Variants in CAMSAP3 observed in about 807,000 individuals in gnomAD.
CAMSAP3 encodes calmodulin regulated spectrin associated protein family member 3.
In CAMSAP3, 34 loss-of-function variants were observed where a neutral mutation model predicts 112.5. The observed-to-expected ratio is 0.30, with a 90% CI of 0.23 to 0.40. The LOEUF (loss-of-function observed/expected upper bound fraction) is 0.40. Among genes scored for constraint, CAMSAP3 ranks in the 10% least tolerant of loss-of-function variants. CAMSAP3 has a pLI of 1.00. For missense variants in CAMSAP3, 1,602 were observed against 1,770.3 expected, an observed-to-expected ratio of 0.90 and a Z score of 1.71; for synonymous variants, 868 against 799.8, an observed-to-expected ratio of 1.09 and a Z score of -1.44.
intron 14 of CAMSAP3, among the ~76,000 whole-genome samples, chr19:7,616,871 C>T (rs2030818686): frequency 6.6e-6 from 1 of 150,502 alleles, no homozygotes; most frequent in Non-Finnish European, 1.5e-5. Context: ...CAGCACGGGG[C>T]ACTGCATGGA....
intron 5 of CAMSAP3, among the ~76,000 whole-genome samples, chr19:7,609,174 C>T (rs893150902): frequency 4.6e-5 from 7 of 151,566 alleles, no homozygotes; most frequent in Admixed American, 6.6e-5. Flanking sequence ...AGAAATTAGC[C>T]GGGTGCGGTG....
At position 7,595,910 on chromosome 19, in the gene CAMSAP3, A is replaced by C; in HGVS notation, c.-93A>C. 3.7e-6 allele frequency: 2 copies of C among 547,286 alleles called. No individual in the cohort carries two copies. The highest frequency in any genetic ancestry group is 4.6e-6 in the Non-Finnish European group (2 of 432,448). The allele number at this position is 547,286 out of a possible 1,614,324, so 33.9% of individuals were successfully genotyped here. On this transcript the variant is annotated 5_prime_UTR_variant, in exon 1 of 17. Coordinates refer to ENST00000160298, the MANE Select transcript of CAMSAP3 (RefSeq NM_020902.2). ...CGGCGGCGGCGGCGGCAGCGGCGGT[A>C]GCAGCAGCGGGCCCGGCTGGGGCGC...
Position 7,610,462 on chromosome 19 carries a change from T to C in CAMSAP3, c.761-14T>C. The C allele has an allele frequency of 1.2e-6, 2 of 1,603,202 alleles. No individual in the cohort carries two copies. Among genetic ancestry groups the C allele is most frequent in the Non-Finnish European group, 1.7e-6 (2 of 1,174,952 alleles). The stretch of plus-strand genomic sequence containing the variant: ...CCTCATAGAGTTGGGGACCCACTCC[T>C]CCTGTCCCCACAGAGGTGTGCTTGA... On this transcript the variant is annotated splice_polypyrimidine_tract_variant and intron_variant, in intron 5 of 16. Coordinates refer to ENST00000160298, the MANE Select transcript of CAMSAP3 (RefSeq NM_020902.2). This position sits in a 1 kb window ranked among gnomAD's most constrained non-coding sequence, Gnocchi z 4.9.
chr19:7,596,007 T>C lies in CAMSAP3; in HGVS notation c.5T>C (p.Val2Ala). The C allele has an allele frequency of 9.0e-7, 1 of 1,107,282 alleles. No individual in the cohort carries two copies. The highest frequency in any genetic ancestry group is 1.1e-6 in the Non-Finnish European group (1 of 893,750). 68.6% of individuals were successfully genotyped at this position (1,107,282 alleles called of 1,614,324 possible). ...GCCCGCAGCCCCGGCGCCGCCATGGTGGAGGCGGCGCCCCCCGGGCCCGGG... is the reference window on the plus strand; with the variant it reads ...GCCCGCAGCCCCGGCGCCGCCATGGCGGAGGCGGCGCCCCCCGGGCCCGGG... M[V>A]EAAPPGPGPL... The change falls in exon 1 of 17, where the codon GTG becomes GCG. Residue 2 changes from valine (V) to alanine (A), a missense_variant. By Grantham distance (64) the Val-to-Ala change is moderately conservative. Around this residue, in one of 6 missense-constraint regions of CAMSAP3, gnomAD observed 147 missense variants for 144.6 expected, o/e 1.02. Transcript: ENST00000160298.
rs1330447274 is a variant in CAMSAP3, at chr19:7,611,034, C to T, written c.1050-61C>T. The T allele has an allele frequency of 4.4e-6, 7 of 1,603,166 alleles. No individual in the cohort carries two copies. The African/African-American group carries it at 8.0e-5, about 18-fold the overall frequency. On this transcript the variant is annotated intron_variant, in intron 8 of 16. Coordinates refer to ENST00000160298, the MANE Select transcript of CAMSAP3 (RefSeq NM_020902.2). The surrounding 1 kb of genome is among the most constrained non-coding windows in gnomAD (Gnocchi z 6.9). ...CAGCTGGGTGATGCTGTTGTCTCCCCCCGGGGAGAGGCGGAGGAGGAGGTG... is the reference window on the plus strand; with the variant it reads ...CAGCTGGGTGATGCTGTTGTCTCCCTCCGGGGAGAGGCGGAGGAGGAGGTG...
chr19:7,616,488 T>G, intron 13 of CAMSAP3, 35 bp from the exon 14 acceptor site: 1 of 1,464,518 alleles, frequency 6.8e-7, no homozygotes, highest in Non-Finnish European at 9.6e-7. Context: ...GGCAGGGGCT[T>G]CTGGTGGGCA....
At chr19:7,606,154 C>CCCCCCCCCCCCCCCCCCA in intron 2 of CAMSAP3, 117 bp from the exon 3 acceptor site, 1 of 488,850 alleles carries the variant, frequency 2.0e-6, no homozygotes, top group Non-Finnish European at 3.5e-6. Flanking sequence ...CCCTCAAGCC[C>CCCCCCCCCCCCCCCCCCA]CACCCCCCCC....
At position 7,611,177 on chromosome 19, in the gene CAMSAP3, G is replaced by T; in HGVS notation, c.1123+9G>T. 6.2e-7 allele frequency: 1 copy of T among 1,613,162 alleles called. No homozygotes were observed. The highest frequency in any genetic ancestry group is 1.3e-5 in the African/African-American group (1 of 75,018). On this transcript the variant is annotated intron_variant, in intron 9 of 16. Transcript: ENST00000160298. The surrounding 1 kb of genome is among the most constrained non-coding windows in gnomAD (Gnocchi z 6.9). ...ACTCCGAGGATCCACAGGTGAGGAGGGGGTAGGTGGCTTCTGTCACGGGGG... is the reference window on the plus strand; with the variant it reads ...ACTCCGAGGATCCACAGGTGAGGAGTGGGTAGGTGGCTTCTGTCACGGGGG...
In CAMSAP3 at chr19:7,618,187, CTGACTT is replaced by C; in HGVS notation, c.*134_*139del. On this transcript the variant is annotated 3_prime_UTR_variant, in exon 17 of 17. Transcript: ENST00000160298. The stretch of plus-strand genomic sequence containing the variant: ...TGGGTGGGGCTGGAGTCTCCACCCT[CTGACTT>C]TGAGTCCAGTCCTGCTGTGGGGGCT... The C allele has an allele frequency of 9.5e-7, 1 of 1,053,000 alleles. No homozygotes were observed. The allele number at this position is 1,053,000 out of a possible 1,614,324, so 65.2% of individuals were successfully genotyped here. A position where few individuals can be genotyped will look rare whatever the true frequency, so the allele number is the denominator to read the frequency against.
chr19:7,610,793 G>A lies in CAMSAP3; in HGVS notation c.994G>A (p.Ala332Thr), dbSNP rs763206515. The change falls in exon 7 of 17, where the codon GCT becomes ACT. Residue 332 changes from alanine to threonine, a missense_variant and splice_region_variant. By Grantham distance (58) the Ala-to-Thr change is moderately conservative (BLOSUM62 0). Transcript: ENST00000160298. The surrounding 1 kb of genome is among the most constrained non-coding windows in gnomAD (Gnocchi z 4.9). ...VQVKDLPDGH[A>T]ASPRGTEASP... ...AGTGAAGGACTTGCCCGATGGTCAC[G>A]GTGAGGCCCTGGGGGCCTGGGGGCC... 2 of 1,613,456 alleles carry A rather than the reference G, an allele frequency of 1.2e-6. No individual in the cohort carries two copies. Among genetic ancestry groups the A allele is most frequent in the Non-Finnish European group, 1.7e-6 (2 of 1,179,964 alleles).
chr19:7,606,804 G>A, intron 4 of CAMSAP3: 1 of 1,613,742 alleles, frequency 6.2e-7, no homozygotes, highest in South Asian at 1.1e-5. Context: ...CTGGAAGCTG[G>A]TTCCTGTAAG....
rs1430183865 is a variant in CAMSAP3, at chr19:7,617,951, C to T, written c.3644C>T (p.Pro1215Leu). ...NSDRKRFTQI[P>L]AKTMSMSVDA... is the part of the protein sequence containing the mutation. ...GACCGCAAGCGCTTCACCCAGATCCCCGCCAAGACCATGTCCATGAGCGTC... is the reference window on the plus strand; with the variant it reads ...GACCGCAAGCGCTTCACCCAGATCCTCGCCAAGACCATGTCCATGAGCGTC... The change falls in exon 17 of 17, where the codon CCC becomes CTC. Residue 1215 changes from proline (P) to leucine (L), a missense_variant. Physicochemically the swap from Pro to Leu is moderately conservative, Grantham distance 98 (BLOSUM62 -3). This residue lies in a region of CAMSAP3 where 150 missense variants were observed against 207.6 expected (regional missense o/e 0.72). Coordinates refer to ENST00000160298, the MANE Select transcript of CAMSAP3 (RefSeq NM_020902.2). The surrounding 1 kb of genome is among the most constrained non-coding windows in gnomAD (Gnocchi z 7.5). 1.2e-6 allele frequency: 2 copies of T among 1,614,072 alleles called. No homozygotes were observed. Among genetic ancestry groups the T allele is most frequent in the Non-Finnish European group, 8.5e-7 (1 of 1,180,056 alleles).
At chr19:7,602,111 GTTCTCAACTGGTGA>G (rs1294234761) in intron 1 of CAMSAP3, among the ~76,000 whole-genome samples, 2 of 152,146 alleles carry the variant, frequency 1.3e-5, no homozygotes, top group Non-Finnish European at 2.9e-5. Flanking sequence ...TAAGGCAGTG[GTTCTCAACTGGTGA>G]TGATTTTGAC....
chr19:7,613,551 CCAGTGGGGG>C (rs2146173220), intron 11 of CAMSAP3, among the ~76,000 whole-genome samples: 1 of 151,230 alleles, frequency 6.6e-6, no homozygotes, highest in East Asian at 2.0e-4. Context: ...TGAGGGGTTT[CCAGTGGGGG>C]CTGACCCAGT....
At chr19:7,605,110 C>G in intron 1 of CAMSAP3, 116 bp from the exon 2 acceptor site, 1 of 701,020 alleles carries the variant, frequency 1.4e-6, no homozygotes, top group Non-Finnish European at 2.2e-6. Context: ...CAATGCCATC[C>G]TCCCTGGTCC....
At position 7,615,050 on chromosome 19, in the gene CAMSAP3, C is replaced by T. The variant is rs1599362423; in HGVS notation, c.2671-133C>T. The T allele has an allele frequency of 9.2e-7, 1 of 1,081,772 alleles. No homozygotes were observed. Among genetic ancestry groups the T allele is most frequent in the East Asian group, 2.6e-5 (1 of 38,520 alleles). 67.0% of individuals were successfully genotyped at this position (1,081,772 alleles called of 1,614,324 possible). ...GTGGGGCTGTGCATACAGTAGGCAC[C>T]AACTAAGTGCATTTAGAACAATGAT... On this transcript the variant is annotated intron_variant, in intron 11 of 16. Transcript: ENST00000160298. The surrounding 1 kb of genome is among the most constrained non-coding windows in gnomAD (Gnocchi z 6.5).
intron 1 of CAMSAP3, among the ~76,000 whole-genome samples, chr19:7,601,467 C>T (rs1395572724): frequency 2.6e-5 from 4 of 152,042 alleles, no homozygotes; most frequent in Admixed American, 1.3e-4. Context: ...TACAGACATG[C>T]GCCACCACGC....
chr19:7,615,139 G>T lies in CAMSAP3; in HGVS notation c.2671-44G>T. On this transcript the variant is annotated intron_variant, in intron 11 of 16. Transcript: ENST00000160298. This position sits in a 1 kb window ranked among gnomAD's most constrained non-coding sequence, Gnocchi z 6.5. ...GGAGGGAAGATGGGCCTCCAGCCAT[G>T]TTGGGGGAGGGGGTGGCTGGCTGGA... is the stretch of plus-strand genomic sequence containing the variant. 4 of 1,551,178 alleles carry T rather than the reference G, an allele frequency of 2.6e-6. No homozygotes were observed. The highest frequency in any genetic ancestry group is 3.5e-6 in the Non-Finnish European group (4 of 1,147,210).
intron 11 of CAMSAP3, chr19:7,614,881 C>T (rs1040314533): frequency 2.3e-5 from 12 of 512,182 alleles, no homozygotes; most frequent in East Asian, 7.1e-5. Flanking sequence ...GGGGTCCTCC[C>T]GCAGTGTAGA....
Sources: allele counts gnomAD v4.1 joint callset (sites outside exome capture counted in the v4.1 genomes callset), GRCh38; gene constraint gnomAD v4.1.1; regional missense constraint gnomAD v4.1.1; non-coding constraint Gnocchi (gnomAD v3.1); transcripts MANE v1.5; gene names NCBI Gene and HGNC (gene_info 2026-07-23, HGNC 2026-07-21).